R3HDM1: variants seen among roughly 807,000 people sequenced by gnomAD.
R3HDM1 encodes R3H domain containing 1.
A neutral mutation model predicts 141.1 loss-of-function variants in R3HDM1; 46 were observed. That is an observed-to-expected ratio of 0.33 (90% CI 0.26 to 0.42). The LOEUF (loss-of-function observed/expected upper bound fraction) is 0.42. Ranked by LOEUF, R3HDM1 falls within the 10% of genes least tolerant of loss-of-function variation. The pLI, the probability that R3HDM1 is intolerant of heterozygous loss-of-function variation, is 1.00. For synonymous variants in R3HDM1, 435 were observed against 472.9 expected (o/e 0.92, Z 1.04); for missense variants, 1,184 against 1,368.3 (o/e 0.87, Z 2.12).
chr2:135,586,907 A>G (rs1708068919), intron 1 of R3HDM1: 1 of 984,930 alleles, frequency 1.0e-6, no homozygotes, highest in Non-Finnish European at 1.2e-6. Context: ...TTGAATTTTA[A>G]AAATTTTATT....
chr2:135,609,887 T>A (rs1399612943), intron 3 of R3HDM1, among the ~76,000 whole-genome samples: 3 of 151,534 alleles, frequency 2.0e-5, no homozygotes, highest in Non-Finnish European at 1.5e-5. Context: ...CCAAAAAAAA[T>A]AAAAAAATTA....
At chr2:135,539,236 T>C (rs997798851) in intron 1 of R3HDM1, among the ~76,000 whole-genome samples, 3 of 152,186 alleles carry the variant, frequency 2.0e-5, no homozygotes, top group African/African-American at 7.2e-5. Flanking sequence ...GTGTAGTAAA[T>C]GCATAAATCA....
In R3HDM1 at chr2:135,665,568, T is replaced by C; in HGVS notation, c.2152+4175T>C. ...AACATTTGTTTATATTTTTCATTAA[T>C]TGTAATACCTTTAAATCATGCATCA... is the stretch of plus-strand genomic sequence containing the variant. On this transcript the variant is annotated intron_variant, in intron 19 of 26. Coordinates refer to ENST00000683871, the MANE Select transcript of R3HDM1 (RefSeq NM_001378107.1). The C allele has an allele frequency of 5.0e-6, 2 of 399,724 alleles. 1 individual carries two copies. The highest frequency in any genetic ancestry group is 4.0e-5 in the South Asian group (2 of 50,488). The allele number at this position is 399,724 out of a possible 1,614,324, so 24.8% of individuals were successfully genotyped here. A position where few individuals can be genotyped will look rare whatever the true frequency, so the allele number is the denominator to read the frequency against.
intron 18 of R3HDM1, among the ~76,000 whole-genome samples, chr2:135,656,138 C>T (rs369610329): frequency 0.01 from 1,459 of 139,636 alleles, 22 homozygotes; most frequent in African/African-American, 0.043. Flanking sequence ...TATATTGACT[C>T]ATACATACAT....
chr2:135,628,077 T>A (rs950883711), intron 7 of R3HDM1, among the ~76,000 whole-genome samples: 4 of 152,182 alleles, frequency 2.6e-5, no homozygotes, highest in Non-Finnish European at 5.9e-5. Flanking sequence ...GTGCCTACTT[T>A]TAGATGGTTT....
At chr2:135,635,856 TC>T in intron 9 of R3HDM1, 33 bp from the exon 10 acceptor site, 1 of 1,553,804 alleles carries the variant, frequency 6.4e-7, no homozygotes, top group African/African-American at 1.4e-5. Flanking sequence ...CATTATCTTT[TC>T]CTGTTCCTTT....
intron 1 of R3HDM1, among the ~76,000 whole-genome samples, chr2:135,558,078 T>C (rs1007322840): frequency 2.0e-5 from 3 of 152,216 alleles, no homozygotes; most frequent in African/African-American, 7.2e-5. Context: ...TATCGAGTTA[T>C]AGATTAATTG....
intron 5 of R3HDM1, among the ~76,000 whole-genome samples, chr2:135,621,119 A>G (rs1044993214): frequency 9.2e-5 from 14 of 152,008 alleles, no homozygotes; most frequent in African/African-American, 3.1e-4. Flanking sequence ...TCGTATTGTC[A>G]TGATTGATGA....
intron 1 of R3HDM1, among the ~76,000 whole-genome samples, chr2:135,572,871 T>G (rs1704458791): frequency 6.6e-6 from 1 of 152,230 alleles, no homozygotes; most frequent in Non-Finnish European, 1.5e-5. Flanking sequence ...TGACTCTTGA[T>G]ATCACTGTGC....
chr2:135,628,881 C>G (rs1008529997), intron 7 of R3HDM1, among the ~76,000 whole-genome samples: 5 of 152,176 alleles, frequency 3.3e-5, no homozygotes, highest in Non-Finnish European at 7.3e-5. Context: ...CCACCTCAAC[C>G]TCCCAAAGTA....
In R3HDM1 at chr2:135,657,668, A is replaced by G. The variant is rs1380801213; in HGVS notation, c.2029-3602A>G. The stretch of plus-strand genomic sequence containing the variant: ...CTCCACAGATCTCTGTTCTTTTTAC[A>G]GATAACCCAATCAGAAGAGCAGAAT... On this transcript the variant is annotated intron_variant, in intron 18 of 26. Transcript: ENST00000683871. Among the ~76,000 whole-genome samples, 3 of 152,134 alleles carry G rather than the reference A, an allele frequency of 2.0e-5. No individual in the cohort carries two copies. The East Asian group carries it at 5.8e-4, about 29-fold the overall frequency.
intron 1 of R3HDM1, among the ~76,000 whole-genome samples, chr2:135,588,441 C>T (rs1282871144): frequency 1.7e-4 from 26 of 152,136 alleles, no homozygotes; most frequent in Non-Finnish European, 1.9e-4. Flanking sequence ...CACACATTCA[C>T]TCTGCAAATT....
chr2:135,645,155 G>A (rs2064256602), intron 15 of R3HDM1: 1 of 360,388 alleles, frequency 2.8e-6, no homozygotes, highest in African/African-American at 3.0e-5. Context: ...AATAAGAAAT[G>A]CAGTAAAACA....
At chr2:135,572,146 C>CA (rs1364400003) in intron 1 of R3HDM1, among the ~76,000 whole-genome samples, 1 of 152,074 alleles carries the variant, frequency 6.6e-6, no homozygotes, top group Non-Finnish European at 1.5e-5. Context: ...TTTGTAGAGA[C>CA]AGAGTTTCAC....
chr2:135,584,180 T>G (rs1204444774), intron 1 of R3HDM1: 11 of 604,694 alleles, frequency 1.8e-5, no homozygotes, highest in Non-Finnish European at 2.3e-5. Flanking sequence ...ATATAAATAT[T>G]AACCAGTTGT....
intron 1 of R3HDM1, among the ~76,000 whole-genome samples, chr2:135,555,797 G>T (rs934288395): frequency 2.0e-5 from 3 of 152,154 alleles, no homozygotes; most frequent in Non-Finnish European, 4.4e-5. Flanking sequence ...ATGCCAAGGC[G>T]GGAGGATCCC....
chr2:135,706,947 G>A (rs1213264505), intron 21 of R3HDM1, among the ~76,000 whole-genome samples: 1 of 151,988 alleles, frequency 6.6e-6, no homozygotes, highest in Non-Finnish European at 1.5e-5. Flanking sequence ...CTTCCCAGTA[G>A]GGGCGGCCGG....
chr2:135,597,044 C>T (rs1258385891), intron 1 of R3HDM1: 1 of 984,300 alleles, frequency 1.0e-6, no homozygotes, highest in East Asian at 1.1e-4. Context: ...CAGAATGCAG[C>T]ACATTCGTGT....
chr2:135,611,285 C>T (rs187707446), intron 3 of R3HDM1, among the ~76,000 whole-genome samples: 176 of 151,746 alleles, frequency 1.2e-3, no homozygotes, highest in African/African-American at 3.7e-3. Context: ...TTAGGCATGG[C>T]GGCTACTCTG....
Sources: gnomAD v4.1 joint callset for allele counts (sites outside exome capture counted in the v4.1 genomes callset) on GRCh38, gnomAD v4.1.1 for gene constraint, MANE v1.5 for transcripts, NCBI Gene and HGNC (gene_info 2026-07-23, HGNC 2026-07-21) for gene names.